Variants in NTRK3 observed in about 807,000 individuals in gnomAD.
NTRK3 encodes NT-3 growth factor receptor.
In NTRK3, 24 loss-of-function variants were observed where a neutral mutation model predicts 91.7. The ratio of observed to expected loss-of-function variants is 0.26; its 90% CI spans 0.19 to 0.37. The LOEUF (loss-of-function observed/expected upper bound fraction) is 0.37. Among genes scored for constraint, NTRK3 ranks in the 10% least tolerant of loss-of-function variants. The pLI, the probability that NTRK3 is intolerant of heterozygous loss-of-function variation, is 1.00. For missense variants in NTRK3, 880 were observed against 1,068.9 expected (o/e 0.82, Z 2.46); for synonymous variants, 483 against 404.0 (o/e 1.20, Z -2.34).
At chr15:88,253,788 C>T (rs964672531) in intron 3 of NTRK3, among the ~76,000 whole-genome samples, 1 of 152,162 alleles carries the variant, frequency 6.6e-6, no homozygotes, top group African/African-American at 2.4e-5. Flanking sequence ...GATCCACTCC[C>T]TGCTCACTAT....
chr15:87,874,102 A>G (rs1708726346), exon 19 of NTRK3: 1 of 228,804 alleles, frequency 4.4e-6, no homozygotes, highest in African/African-American at 2.2e-5. Context: ...CTGTCCCAAT[A>G]TAGGAGGGAC....
At chr15:87,934,020 G>A (rs1164133441) in intron 15 of NTRK3, among the ~76,000 whole-genome samples, 1 of 152,176 alleles carries the variant, frequency 6.6e-6, no homozygotes, top group Non-Finnish European at 1.5e-5. Flanking sequence ...ATATACCCAG[G>A]TAGAGTGTAA....
intron 13 of NTRK3, chr15:88,072,845 A>C: frequency 4.3e-6 from 1 of 233,102 alleles, no homozygotes; most frequent in Non-Finnish European, 8.5e-6. Flanking sequence ...TCATGGGCCA[A>C]TCCGGAGTTA....
chr15:88,250,853 T>C (rs1415280134), intron 3 of NTRK3, among the ~76,000 whole-genome samples: 1 of 152,284 alleles, frequency 6.6e-6, no homozygotes, highest in African/African-American at 2.4e-5. Flanking sequence ...TTTATATATC[T>C]ATTATCTATA....
chr15:88,242,842 A>C (rs1426352476), intron 3 of NTRK3, among the ~76,000 whole-genome samples: 1 of 152,242 alleles, frequency 6.6e-6, no homozygotes, highest in Non-Finnish European at 1.5e-5. Context: ...GTACAGATGC[A>C]GCTCAGCATT....
At chr15:87,980,962 T>A (rs1333600120) in intron 14 of NTRK3, among the ~76,000 whole-genome samples, 1 of 152,168 alleles carries the variant, frequency 6.6e-6, no homozygotes, top group Admixed American at 6.5e-5. Flanking sequence ...TGAGAAAGTT[T>A]GTGACACCAC....
intron 14 of NTRK3, among the ~76,000 whole-genome samples, chr15:87,982,456 T>C (rs929550221): frequency 8.6e-5 from 13 of 151,624 alleles, no homozygotes; most frequent in Non-Finnish European, 1.6e-4. Context: ...CCCCGCTACA[T>C]CTGACCTTTT....
chr15:87,906,506 A>G (rs947618677), intron 17 of NTRK3, among the ~76,000 whole-genome samples: 3 of 152,150 alleles, frequency 2.0e-5, no homozygotes, highest in African/African-American at 4.8e-5. Flanking sequence ...CGTGCTGACC[A>G]TCAAGCAGAC....
At chr15:88,145,361 C>T (rs1441245234) in intron 6 of NTRK3, among the ~76,000 whole-genome samples, 12 of 152,082 alleles carry the variant, frequency 7.9e-5, no homozygotes, top group Non-Finnish European at 1.8e-4. Flanking sequence ...CTTTATTCTC[C>T]AATATGATTT....
intron 3 of NTRK3, among the ~76,000 whole-genome samples, chr15:88,254,487 T>C (rs2053787770): frequency 6.6e-6 from 1 of 151,490 alleles, no homozygotes; most frequent in Non-Finnish European, 1.5e-5. Context: ...GGGCCAGGAG[T>C]CAGAGACATC....
intron 14 of NTRK3, among the ~76,000 whole-genome samples, chr15:87,973,157 C>T (rs7172184): frequency 0.58 from 88,663 of 151,952 alleles, 27,910 homozygotes; most frequent in African/African-American, 0.82. Context: ...GGCACAAACA[C>T]CCAGATATTT....
At chr15:87,872,884 A>G in exon 19 of NTRK3, 2 of 233,172 alleles carry the variant, frequency 8.6e-6, no homozygotes, top group Non-Finnish European at 1.7e-5. Context: ...AAATATCTAT[A>G]CAAACCTCTT....
At chr15:88,209,413 A>T (rs1425052433) in intron 3 of NTRK3, among the ~76,000 whole-genome samples, 2 of 152,252 alleles carry the variant, frequency 1.3e-5, no homozygotes, top group Non-Finnish European at 2.9e-5. Context: ...GGAAGACCAC[A>T]TGGGAGTGGC....
intron 14 of NTRK3, among the ~76,000 whole-genome samples, chr15:87,954,139 A>G (rs975104555): frequency 4.6e-5 from 7 of 151,712 alleles, no homozygotes; most frequent in African/African-American, 1.7e-4. Flanking sequence ...TCCACTGTGC[A>G]GGGTTCAGGC....
intron 14 of NTRK3, among the ~76,000 whole-genome samples, chr15:88,004,647 T>G (rs988577306): frequency 5.9e-5 from 9 of 152,168 alleles, no homozygotes; most frequent in South Asian, 2.1e-4. Flanking sequence ...CCTACTGCCT[T>G]CCACAGGGCA....
intron 5 of NTRK3, among the ~76,000 whole-genome samples, chr15:88,175,109 C>T (rs996965016): frequency 3.3e-5 from 5 of 152,230 alleles, no homozygotes; most frequent in African/African-American, 7.2e-5. Flanking sequence ...CTACTGCATA[C>T]ACTGATTACA....
chr15:88,172,030 G>A (rs746057793), intron 5 of NTRK3, among the ~76,000 whole-genome samples: 4 of 152,196 alleles, frequency 2.6e-5, no homozygotes, highest in African/African-American at 9.7e-5. Context: ...GCATGAAGTC[G>A]GCCAGAGGCA....
chr15:87,908,408 C>T, intron 17 of NTRK3: 1 of 398,866 alleles, frequency 2.5e-6, no homozygotes, highest in Non-Finnish European at 4.4e-6. Flanking sequence ...GGAAGTGCCT[C>T]TCCAAAGCCT....
chr15:88,156,235 G>C (rs2043887577), intron 5 of NTRK3, among the ~76,000 whole-genome samples: 1 of 152,168 alleles, frequency 6.6e-6, no homozygotes, highest in South Asian at 2.1e-4. Flanking sequence ...TCTCAGGCTG[G>C]AGCTCAGAGC....
Sources: gnomAD v4.1 joint callset for allele counts (sites outside exome capture counted in the v4.1 genomes callset) on GRCh38, gnomAD v4.1.1 for gene constraint, MANE v1.5 for transcripts, NCBI Gene and HGNC (gene_info 2026-07-23, HGNC 2026-07-21) for gene names.